CSNK1G1: variants seen among roughly 807,000 people sequenced by gnomAD.
The protein encoded by CSNK1G1 is casein kinase I isoform gamma-1.
CSNK1G1 carries 22 observed loss-of-function variants against 59.6 expected under a neutral mutation model. The observed-to-expected ratio is 0.37, with a 90% CI of 0.26 to 0.53. The LOEUF is 0.53. CSNK1G1 is among the 20% of genes least tolerant of loss of function. The pLI is 0.89. For synonymous variants in CSNK1G1, 179 were observed against 177.1 expected, an observed-to-expected ratio of 1.01 and a Z score of -0.08; for missense variants, 384 against 519.5, an observed-to-expected ratio of 0.74 and a Z score of 2.54.
chr15:64,332,488 C>A (rs1897159189), intron 1 of CSNK1G1, among the ~76,000 whole-genome samples: 1 of 110,008 alleles, frequency 9.1e-6, no homozygotes, highest in Non-Finnish European at 1.8e-5. Flanking sequence ...ATCACATGGA[C>A]ACAGGAAGGG....
chr15:64,186,474 G>A (rs1393592507), intron 10 of CSNK1G1, among the ~76,000 whole-genome samples: 1 of 152,134 alleles, frequency 6.6e-6, no homozygotes, highest in Non-Finnish European at 1.5e-5. Flanking sequence ...AAGAAAGTGT[G>A]CCTGAGAAAT....
intron 2 of CSNK1G1, among the ~76,000 whole-genome samples, chr15:64,278,430 A>ATT (rs1457957653): frequency 7.4e-5 from 9 of 121,046 alleles, no homozygotes; most frequent in South Asian, 2.6e-4. Flanking sequence ...ATATATATAT[A>ATT]TATTTTTTTT....
chr15:64,309,339 CACACACACACACAAAT>C (rs934765216), intron 1 of CSNK1G1, among the ~76,000 whole-genome samples: 5 of 150,776 alleles, frequency 3.3e-5, no homozygotes, highest in South Asian at 4.2e-4. Context: ...CACACACACA[CACACACACACACAAAT>C]AAATGAGTTC....
chr15:64,350,912 T>C (rs890686011), intron 1 of CSNK1G1, among the ~76,000 whole-genome samples: 2 of 149,512 alleles, frequency 1.3e-5, no homozygotes, highest in Non-Finnish European at 3.0e-5. Context: ...TTCTTTTTCT[T>C]TTTTTTTTTC....
At chr15:64,204,411 T>G in intron 9 of CSNK1G1, 30 bp downstream of exon 9, 1 of 1,362,236 alleles carries the variant, frequency 7.3e-7, no homozygotes, top group Non-Finnish European at 1.0e-6. Flanking sequence ...GGTAATGAGG[T>G]TAAAAAAAAA....
chr15:64,267,283 A>T (rs1376162016), intron 2 of CSNK1G1, among the ~76,000 whole-genome samples: 1 of 151,552 alleles, frequency 6.6e-6, no homozygotes, highest in Non-Finnish European at 1.5e-5. Context: ...AAAGAAAAGA[A>T]AAGAAAAAGA....
In CSNK1G1 at chr15:64,167,705, G is replaced by A. The variant is rs933136564; in HGVS notation, c.*4226C>T. ...CAATGTTGTTAGGGCAACTCAATGG[G>A]AATGGAGAGCTGGTTTAAATGTGAA... On this transcript the variant is annotated 3_prime_UTR_variant, in exon 12 of 12. Transcript: ENST00000303052. The A allele has an allele frequency of 2.0e-5, 3 of 152,686 alleles. No individual in the cohort carries two copies. The highest frequency in any genetic ancestry group is 4.4e-5 in the Non-Finnish European group (3 of 68,054). The allele number at this position is 152,686 out of a possible 1,614,324, so 9.5% of individuals were successfully genotyped here.
intron 10 of CSNK1G1, among the ~76,000 whole-genome samples, chr15:64,202,265 G>A (rs1283187582): frequency 6.6e-6 from 1 of 152,132 alleles, no homozygotes; most frequent in Non-Finnish European, 1.5e-5. Context: ...AAGTCAGTTG[G>A]AAGTCCAAAG....
intron 10 of CSNK1G1, among the ~76,000 whole-genome samples, chr15:64,191,243 G>A (rs990898721): frequency 1.3e-5 from 2 of 152,154 alleles, no homozygotes; most frequent in East Asian, 1.9e-4. Context: ...TATATTTTTA[G>A]TAGAGACGCG....
chr15:64,263,066 C>T (rs1287916554), intron 2 of CSNK1G1, among the ~76,000 whole-genome samples: 1 of 83,926 alleles, frequency 1.2e-5, no homozygotes, highest in Non-Finnish European at 2.1e-5. Flanking sequence ...GCAACAAGAG[C>T]AAAACGCCAT....
In CSNK1G1 at chr15:64,269,436, C is replaced by G. The variant is rs116540650; in HGVS notation, c.182-10195G>C. On this transcript the variant is annotated intron_variant, in intron 2 of 11. Transcript: ENST00000303052. ...TATGTGTCCAGGAATTTATGTATCC[C>G]TTCTAGGTTTTCTGGCTTGTGTGCA... 1.6e-3 allele frequency among the ~76,000 whole-genome samples: 244 copies of G among 151,290 alleles called. 2 individuals carry two copies. Among genetic ancestry groups the G allele is most frequent in the African/African-American group, 5.7e-3 (235 of 41,210 alleles).
chr15:64,330,519 C>G (rs1315221247), intron 1 of CSNK1G1, among the ~76,000 whole-genome samples: 1 of 92,110 alleles, frequency 1.1e-5, no homozygotes, highest in African/African-American at 4.4e-5. Flanking sequence ...ATTGATGGGA[C>G]GTATTTCAAA....
chr15:64,242,889 A>C (rs1419272410), intron 4 of CSNK1G1, among the ~76,000 whole-genome samples: 1 of 152,230 alleles, frequency 6.6e-6, no homozygotes, highest in Non-Finnish European at 1.5e-5. Context: ...CACCATGATC[A>C]AGTGGGATTT....
At position 64,165,750 on chromosome 15, in the gene CSNK1G1, A is replaced by G; in HGVS notation, c.*6181T>C. 1 of 330,754 alleles carries G rather than the reference A, an allele frequency of 3.0e-6. No homozygotes were observed. Among genetic ancestry groups the G allele is most frequent in the South Asian group, 1.2e-4 (1 of 8,546 alleles). The allele number at this position is 330,754 out of a possible 1,614,324, so 20.5% of individuals were successfully genotyped here. ...AGCAGAAGTAGCCAAGAAAGGTAAGACATTTTATTTTACATACAAAAAGGG... is the reference window on the plus strand; with the variant it reads ...AGCAGAAGTAGCCAAGAAAGGTAAGGCATTTTATTTTACATACAAAAAGGG... On this transcript the variant is annotated 3_prime_UTR_variant, in exon 12 of 12. Transcript: ENST00000303052.
At chr15:64,267,344 A>T (rs1893045253) in intron 2 of CSNK1G1, among the ~76,000 whole-genome samples, 1 of 152,072 alleles carries the variant, frequency 6.6e-6, no homozygotes, top group South Asian at 2.1e-4. Context: ...ATTATATCAA[A>T]TTTAAAAGTT....
intron 7 of CSNK1G1, among the ~76,000 whole-genome samples, chr15:64,206,233 A>G (rs2082178206): frequency 6.6e-6 from 1 of 152,150 alleles, no homozygotes; most frequent in African/African-American, 2.4e-5. Context: ...CAAGGTCAGG[A>G]GTTTGAGACC....
intron 4 of CSNK1G1, among the ~76,000 whole-genome samples, chr15:64,231,432 G>GATATAT (rs754861786): frequency 3.4e-4 from 49 of 145,402 alleles, no homozygotes; most frequent in African/African-American, 1.2e-3. Context: ...TATATATTAG[G>GATATAT]ATATATATAT....
At chr15:64,295,414 T>C (rs1894968602) in intron 2 of CSNK1G1, among the ~76,000 whole-genome samples, 1 of 152,170 alleles carries the variant, frequency 6.6e-6, no homozygotes, top group South Asian at 2.1e-4. Context: ...TTTGACTTCT[T>C]CCCATCAAAT....
At chr15:64,220,336 C>T (rs1173164962) in intron 4 of CSNK1G1, among the ~76,000 whole-genome samples, 1 of 151,908 alleles carries the variant, frequency 6.6e-6, no homozygotes, top group Non-Finnish European at 1.5e-5. Flanking sequence ...CTCAAGTGAT[C>T]CACCCAACTC....
Sources: allele counts gnomAD v4.1 joint callset (sites outside exome capture counted in the v4.1 genomes callset), GRCh38; gene constraint gnomAD v4.1.1; transcripts MANE v1.5; gene names NCBI Gene and HGNC (gene_info 2026-07-23, HGNC 2026-07-21).